The following WDR70 variants were observed in gnomAD, a reference collection of about 807,000 sequenced individuals.
The protein encoded by WDR70 is WD repeat domain 70.
WDR70 carries 53 observed loss-of-function variants against 88.6 expected under a neutral mutation model. The observed-to-expected ratio is 0.60, with a 90% CI of 0.48 to 0.75. WDR70 has a LOEUF of 0.75. WDR70 is among the 30% of genes least tolerant of loss of function. The pLI is 0.00. For missense variants in WDR70, 610 were observed against 823.2 expected (o/e 0.74, Z 3.17); for synonymous variants, 280 against 270.0 (o/e 1.04, Z -0.36).
At chr5:37,396,189 T>TC (rs1160166815) in intron 4 of WDR70, among the ~76,000 whole-genome samples, 186 bp from the exon 5 acceptor site, 5 of 151,834 alleles carry the variant, frequency 3.3e-5, no homozygotes, top group Non-Finnish European at 7.4e-5. Context: ...AAGACGGTTT[T>TC]TTTTAACTTT....
intron 10 of WDR70, among the ~76,000 whole-genome samples, chr5:37,617,934 A>G (rs1283895999): frequency 6.6e-6 from 1 of 152,236 alleles, no homozygotes; most frequent in Non-Finnish European, 1.5e-5. Context: ...ATATGATTGC[A>G]TATTGATCAA....
chr5:37,637,675 A>G (rs1318539407), intron 10 of WDR70, among the ~76,000 whole-genome samples: 1 of 152,212 alleles, frequency 6.6e-6, no homozygotes, highest in East Asian at 1.9e-4. Flanking sequence ...TCAGCTTTTG[A>G]GAGTCACCAC....
intron 10 of WDR70, among the ~76,000 whole-genome samples, chr5:37,630,023 T>C (rs886336790): frequency 1.8e-4 from 27 of 152,224 alleles, no homozygotes; most frequent in African/African-American, 5.3e-4. Flanking sequence ...TCATAAAATT[T>C]CTTCAACCGT....
At chr5:37,732,526 T>G (rs1748175518) in intron 17 of WDR70, among the ~76,000 whole-genome samples, 1 of 152,124 alleles carries the variant, frequency 6.6e-6, no homozygotes, top group African/African-American at 2.4e-5. Context: ...CAAGAAATTT[T>G]TATCTTTGCC....
At chr5:37,667,670 A>G (rs914871908) in intron 10 of WDR70, among the ~76,000 whole-genome samples, 5 of 152,068 alleles carry the variant, frequency 3.3e-5, no homozygotes. Flanking sequence ...GGCTGCTTTC[A>G]TGCTACAACA....
chr5:37,556,454 G>T (rs1275927938), intron 9 of WDR70, among the ~76,000 whole-genome samples: 1 of 152,082 alleles, frequency 6.6e-6, no homozygotes, highest in Non-Finnish European at 1.5e-5. Context: ...TCTGATAATT[G>T]AAATATTTAA....
At chr5:37,707,948 A>AAT (rs70978841) in intron 13 of WDR70, among the ~76,000 whole-genome samples, 160 of 33,764 alleles carry the variant, frequency 4.7e-3, no homozygotes, top group Middle Eastern at 0.042. Flanking sequence ...AAAAAAAAAA[A>AAT]ATATATATAT....
intron 10 of WDR70, among the ~76,000 whole-genome samples, chr5:37,692,481 A>G (rs1288593702): frequency 2.6e-5 from 4 of 152,174 alleles, no homozygotes; most frequent in Non-Finnish European, 5.9e-5. Context: ...ATACTGGCAA[A>G]CTGAATCCAG....
intron 3 of WDR70, among the ~76,000 whole-genome samples, chr5:37,389,528 A>T (rs536683841): frequency 6.6e-6 from 1 of 151,812 alleles, no homozygotes; most frequent in African/African-American, 2.4e-5. Flanking sequence ...CTCCTGCCTC[A>T]GCCTCCAGAG....
At chr5:37,651,858 G>A (rs1745419076) in intron 10 of WDR70, among the ~76,000 whole-genome samples, 1 of 151,990 alleles carries the variant, frequency 6.6e-6, no homozygotes, top group Admixed American at 6.6e-5. Context: ...CTGGATATTA[G>A]CCCTTTGTCA....
intron 7 of WDR70, among the ~76,000 whole-genome samples, chr5:37,457,113 T>C (rs1738864413): frequency 6.6e-6 from 1 of 152,184 alleles, no homozygotes; most frequent in African/African-American, 2.4e-5. Flanking sequence ...TCTTTTTTTT[T>C]GAGACAGGGT....
chr5:37,385,822 G>T (rs941471523), intron 3 of WDR70, among the ~76,000 whole-genome samples: 12 of 151,778 alleles, frequency 7.9e-5, no homozygotes, highest in African/African-American at 2.9e-4. Flanking sequence ...TATATTTTTT[G>T]AGACAGAGTC....
At chr5:37,652,129 A>G (rs1212174171) in intron 10 of WDR70, among the ~76,000 whole-genome samples, 1 of 152,206 alleles carries the variant, frequency 6.6e-6, no homozygotes, top group Non-Finnish European at 1.5e-5. Flanking sequence ...GGTGTAAAGA[A>G]GGAGTCCAGT....
intron 8 of WDR70, among the ~76,000 whole-genome samples, chr5:37,481,332 C>A (rs909160746): frequency 7.9e-5 from 12 of 152,166 alleles, no homozygotes; most frequent in African/African-American, 2.7e-4. Context: ...CCATGAGGGC[C>A]CCCCCCGCTC....
intron 9 of WDR70, among the ~76,000 whole-genome samples, chr5:37,534,189 G>A (rs1005359199): frequency 6.6e-6 from 1 of 152,122 alleles, no homozygotes; most frequent in African/African-American, 2.4e-5. Context: ...CATGATGTGA[G>A]TCTCTACACA....
chr5:37,505,942 C>G lies in WDR70; in HGVS notation c.841-10572C>G, dbSNP rs547994769. The stretch of plus-strand genomic sequence containing the variant: ...TCCACACCTTTCAGATTAGCACCTT[C>G]TAAATTGGCTTTAAGACCAGAAAGA... On this transcript the variant is annotated intron_variant, in intron 8 of 17. Coordinates refer to ENST00000265107, the MANE Select transcript of WDR70 (RefSeq NM_018034.4). 14 of 1,504,304 alleles carry G rather than the reference C, an allele frequency of 9.3e-6. No homozygotes were observed. The South Asian group carries it at 1.6e-4, about 17-fold the overall frequency. 93.2% of individuals were successfully genotyped at this position (1,504,304 alleles called of 1,614,324 possible).
intron 10 of WDR70, among the ~76,000 whole-genome samples, chr5:37,658,721 G>C (rs977769601): frequency 6.6e-6 from 1 of 152,114 alleles, no homozygotes; most frequent in South Asian, 2.1e-4. Flanking sequence ...TGCTCCAACC[G>C]TTAAGAGAAT....
At chr5:37,699,344 AC>A (rs1747075142) in intron 11 of WDR70, among the ~76,000 whole-genome samples, 4 of 146,118 alleles carry the variant, frequency 2.7e-5, no homozygotes, top group Non-Finnish European at 1.5e-5. Flanking sequence ...ACACACACAC[AC>A]ACACACACAC....
intron 7 of WDR70, among the ~76,000 whole-genome samples, chr5:37,470,083 A>G (rs1367211769): frequency 1.3e-5 from 2 of 152,196 alleles, no homozygotes; most frequent in African/African-American, 2.4e-5. Flanking sequence ...TTTTCACATT[A>G]TTAAAAACTG....
Sources: allele counts gnomAD v4.1 joint callset (sites outside exome capture counted in the v4.1 genomes callset), GRCh38; gene constraint gnomAD v4.1.1; transcripts MANE v1.5; gene names NCBI Gene and HGNC (gene_info 2026-07-23, HGNC 2026-07-21).